CNTNAP2: variants seen among roughly 807,000 people sequenced by gnomAD.
The protein encoded by CNTNAP2 is contactin associated protein 2.
Under a neutral mutation model 155.2 loss-of-function variants are expected in CNTNAP2, and 98 were observed. The ratio of observed to expected loss-of-function variants is 0.63; its 90% confidence interval spans 0.54 to 0.75. CNTNAP2 has a LOEUF of 0.75. Among genes scored for constraint, CNTNAP2 ranks in the 30% least tolerant of loss-of-function variants. The pLI, the probability that CNTNAP2 is intolerant of heterozygous loss-of-function variation, is 0.00. For missense variants in CNTNAP2, 1,727 were observed against 1,688.1 expected, an observed-to-expected ratio of 1.02 and a Z score of -0.40; for synonymous variants, 651 against 631.2, an observed-to-expected ratio of 1.03 and a Z score of -0.47.
intron 1 of CNTNAP2, among the ~76,000 whole-genome samples, chr7:146,301,231 A>T (rs562702293): frequency 6.6e-6 from 1 of 152,158 alleles, no homozygotes; most frequent in African/African-American, 2.4e-5. Flanking sequence ...AATTTGAAAC[A>T]TTGTGAAATG....
intron 1 of CNTNAP2, among the ~76,000 whole-genome samples, chr7:146,124,807 G>T (rs1395165514): frequency 6.6e-6 from 1 of 152,080 alleles, no homozygotes; most frequent in Non-Finnish European, 1.5e-5. Flanking sequence ...ATAACACAAT[G>T]AGTTCGATGC....
Position 146,794,784 on chromosome 7 carries a change from A to G in CNTNAP2, c.208+20403A>G, listed in dbSNP as rs181509840. Among the ~76,000 whole-genome samples the G allele has an allele frequency of 2.0e-5, 3 of 152,362 alleles. No individual in the cohort carries two copies. The East Asian group carries it at 5.8e-4, about 29-fold the overall frequency. Reference sequence around the variant, plus strand: ...CCGATTATTCATTCAGAAAAACAATACAAGTACTTCAAAGTAGCAAGAATC... The same window carrying G: ...CCGATTATTCATTCAGAAAAACAATGCAAGTACTTCAAAGTAGCAAGAATC... On this transcript the variant is annotated intron_variant, in intron 2 of 23. Transcript: ENST00000361727.
chr7:148,142,067 T>G (rs1377760578), intron 16 of CNTNAP2, among the ~76,000 whole-genome samples: 1 of 151,292 alleles, frequency 6.6e-6, no homozygotes, highest in Non-Finnish European at 1.5e-5. Context: ...ATAGTGCCAG[T>G]GGTTGTTAAG....
intron 10 of CNTNAP2, 106 bp from the exon 11 acceptor site, chr7:147,485,829 G>A: frequency 3.7e-6 from 4 of 1,085,314 alleles, no homozygotes; most frequent in Non-Finnish European, 5.7e-6. Flanking sequence ...CCTTGGTAAG[G>A]CAACCTGGCA....
chr7:148,366,258 GTGTATATGTGTACATGTATATATGTA>G (rs1798775139), intron 21 of CNTNAP2, among the ~76,000 whole-genome samples: 1 of 123,288 alleles, frequency 8.1e-6, no homozygotes, highest in African/African-American at 2.7e-5. Flanking sequence ...GTATATATGT[GTGTATATGTGTACATGTATATATGTA>G]TGTGTACATG....
chr7:147,674,114 TG>T (rs1388235726), intron 13 of CNTNAP2, among the ~76,000 whole-genome samples: 1 of 151,962 alleles, frequency 6.6e-6, no homozygotes, highest in African/African-American at 2.4e-5. Flanking sequence ...TTTCAAACTG[TG>T]GAATATATAA....
At chr7:147,696,871 C>T (rs149215433) in intron 13 of CNTNAP2, among the ~76,000 whole-genome samples, 339 of 151,994 alleles carry the variant, frequency 2.2e-3, no homozygotes, top group African/African-American at 7.1e-3. Context: ...AGATGTCAGA[C>T]GTAATTTTAT....
chr7:146,802,377 G>C (rs1446434920), intron 2 of CNTNAP2, among the ~76,000 whole-genome samples: 1 of 152,134 alleles, frequency 6.6e-6, no homozygotes, highest in Non-Finnish European at 1.5e-5. Context: ...TTCTGCTTTT[G>C]CTGGCAGTTT....
At chr7:147,763,663 G>T (rs560315400) in intron 13 of CNTNAP2, among the ~76,000 whole-genome samples, 1 of 152,218 alleles carries the variant, frequency 6.6e-6, no homozygotes, top group Non-Finnish European at 1.5e-5. Context: ...AAGGGGGTCA[G>T]AAAGGCATTG....
chr7:146,624,583 C>A (rs916418508), intron 1 of CNTNAP2, among the ~76,000 whole-genome samples: 1 of 151,974 alleles, frequency 6.6e-6, no homozygotes, highest in Non-Finnish European at 1.5e-5. Context: ...GTTTTCTACT[C>A]TCTTCCATTT....
At chr7:146,721,437 CTATATATACAT>C (rs1801309714) in intron 1 of CNTNAP2, among the ~76,000 whole-genome samples, 1 of 116,646 alleles carries the variant, frequency 8.6e-6, no homozygotes. Context: ...TATATATATT[CTATATATACAT>C]TCTATATACA....
At chr7:147,850,892 C>T (rs1262036715) in intron 13 of CNTNAP2, among the ~76,000 whole-genome samples, 6 of 152,088 alleles carry the variant, frequency 3.9e-5, no homozygotes, top group African/African-American at 1.4e-4. Context: ...ACACCAAAAG[C>T]AATGGCAACA....
At chr7:147,334,748 A>C (rs890346427) in intron 9 of CNTNAP2, among the ~76,000 whole-genome samples, 23 of 152,254 alleles carry the variant, frequency 1.5e-4, no homozygotes, top group Middle Eastern at 3.4e-3. Flanking sequence ...TAGCAAATCT[A>C]ACTGAATAAC....
intron 5 of CNTNAP2, among the ~76,000 whole-genome samples, chr7:147,115,715 T>C (rs138371359): frequency 4.6e-5 from 7 of 152,238 alleles, no homozygotes; most frequent in African/African-American, 1.7e-4. Context: ...TCCCATATTG[T>C]ATTACCATGA....
intron 3 of CNTNAP2, among the ~76,000 whole-genome samples, chr7:146,964,302 T>C (rs1327889287): frequency 1.3e-5 from 2 of 152,224 alleles, no homozygotes; most frequent in East Asian, 1.9e-4. Flanking sequence ...CATTGTCACT[T>C]ACTAATGAAG....
At chr7:147,054,514 A>G (rs1009444107) in intron 4 of CNTNAP2, among the ~76,000 whole-genome samples, 34 of 152,156 alleles carry the variant, frequency 2.2e-4, no homozygotes, top group African/African-American at 7.7e-4. Flanking sequence ...TTACAGTTAT[A>G]CAGTCCATCA....
In CNTNAP2 at chr7:147,263,085, G is replaced by C. The variant is rs565660957; in HGVS notation, c.1349-37056G>C. 2.6e-3 allele frequency among the ~76,000 whole-genome samples: 399 copies of C among 152,290 alleles called. 3 individuals are homozygous for C. The highest frequency in any genetic ancestry group is 9.3e-3 in the African/African-American group (386 of 41,556). On this transcript the variant is annotated intron_variant, in intron 8 of 23. Transcript: ENST00000361727. ...TAGTTGGCCAAAGGTGGTGGTGCTTGCCTCCAATCCCAGCACTTTGGGAAA... is the reference window on the plus strand; with the variant it reads ...TAGTTGGCCAAAGGTGGTGGTGCTTCCCTCCAATCCCAGCACTTTGGGAAA...
At chr7:147,806,122 G>A (rs1011643108) in intron 13 of CNTNAP2, among the ~76,000 whole-genome samples, 1 of 152,062 alleles carries the variant, frequency 6.6e-6, no homozygotes, top group African/African-American at 2.4e-5. Context: ...TTAGTAACCA[G>A]AACATATAAA....
chr7:146,822,293 G>A (rs549302560), intron 2 of CNTNAP2, among the ~76,000 whole-genome samples: 14 of 152,152 alleles, frequency 9.2e-5, no homozygotes, highest in Non-Finnish European at 1.9e-4. Context: ...GACACAGGAA[G>A]GGGAACATCA....
Sources: gnomAD v4.1 joint callset for allele counts (sites outside exome capture counted in the v4.1 genomes callset) on GRCh38, gnomAD v4.1.1 for gene constraint, MANE v1.5 for transcripts, NCBI Gene and HGNC (gene_info 2026-07-23, HGNC 2026-07-21) for gene names.